The following KCNC1 variants were observed in gnomAD, a reference collection of about 807,000 sequenced individuals.
KCNC1 encodes the protein potassium voltage-gated channel subfamily C member 1.
In KCNC1, 8 loss-of-function variants were observed where a neutral mutation model predicts 43.4. The ratio of observed to expected loss-of-function variants is 0.18; its 90% CI spans 0.11 to 0.33. KCNC1 has a LOEUF of 0.33. Among genes scored for constraint, KCNC1 ranks in the 10% least tolerant of loss-of-function variants. The pLI, the probability that KCNC1 is intolerant of heterozygous loss-of-function variation, is 1.00. For missense variants in KCNC1, 420 were observed against 836.0 expected (o/e 0.50, Z 6.14); for synonymous variants, 361 against 360.5 (o/e 1.00, Z -0.01).
intron 1 of KCNC1, among the ~76,000 whole-genome samples, chr11:17,758,323 C>T (rs1281800069): frequency 1.3e-5 from 2 of 152,260 alleles, no homozygotes; most frequent in African/African-American, 4.8e-5. Context: ...ATCACATCTG[C>T]AGTGACTTCC....
In KCNC1 at chr11:17,777,204, G is replaced by A; in HGVS notation, c.1505-2252G>A. On this transcript the variant is annotated intron_variant, in intron 2 of 3. Coordinates refer to ENST00000265969, the MANE Select transcript of KCNC1 (RefSeq NM_001112741.2). This position sits in a 1 kb window ranked among gnomAD's most constrained non-coding sequence, Gnocchi z 4.3. ...GGCCCAGCATTCAGAGCCAGAGAAGGGTCTCAGGCGGCACCATCTCCACAG... is the reference window on the plus strand; with the variant it reads ...GGCCCAGCATTCAGAGCCAGAGAAGAGTCTCAGGCGGCACCATCTCCACAG... 1 of 985,656 alleles carries A rather than the reference G, an allele frequency of 1.0e-6. No individual in the cohort carries two copies. Among genetic ancestry groups the A allele is most frequent in the Non-Finnish European group, 1.2e-6 (1 of 829,980 alleles). The allele number at this position is 985,656 out of a possible 1,614,324, so 61.1% of individuals were successfully genotyped here.
At position 17,772,396 on chromosome 11, in the gene KCNC1, C is replaced by T; in HGVS notation, c.1302C>T (p.Val434=). Residue 434 remains valine (V), a synonymous_variant, in exon 2 of 4, where the codon GTC becomes GTT. Transcript: ENST00000265969. ...TCACCATCGCCATGCCCGTGCCCGTCATCGTGAACAATTTCGGGATGTATT... is the reference window on the plus strand; with the variant it reads ...TCACCATCGCCATGCCCGTGCCCGTTATCGTGAACAATTTCGGGATGTATT... ...GVLTIAMPVP[V]IVNNFGMYYS... is the part of the protein sequence containing the mutation. 2.5e-6 allele frequency: 4 copies of T among 1,614,146 alleles called. No homozygotes were observed. Among genetic ancestry groups the T allele is most frequent in the Non-Finnish European group, 3.4e-6 (4 of 1,180,042 alleles).
At chr11:17,767,280 G>A (rs1445444568) in intron 1 of KCNC1, among the ~76,000 whole-genome samples, 4 of 131,866 alleles carry the variant, frequency 3.0e-5, no homozygotes, top group South Asian at 4.8e-4. Context: ...GCAAGACTCC[G>A]TCTCAAAAAA....
Position 17,776,175 on chromosome 11 carries a change from T to C in KCNC1, c.1505-3281T>C. On this transcript the variant is annotated intron_variant, in intron 2 of 3. Coordinates refer to ENST00000265969, the MANE Select transcript of KCNC1 (RefSeq NM_001112741.2). This position sits in a 1 kb window ranked among gnomAD's most constrained non-coding sequence, Gnocchi z 4.4. The stretch of plus-strand genomic sequence containing the variant: ...CAGGCATGGGTGTTCTTTTCCGTGT[T>C]GTTCACATTTTCTCTCTTTCTCTCT... 1 of 985,452 alleles carries C rather than the reference T, an allele frequency of 1.0e-6. No individual in the cohort carries two copies. The highest frequency in any genetic ancestry group is 1.7e-5 in the African/African-American group (1 of 57,348). The allele number at this position is 985,452 out of a possible 1,614,324, so 61.0% of individuals were successfully genotyped here. A position where few individuals can be genotyped will look rare whatever the true frequency, so the allele number is the denominator to read the frequency against.
intron 1 of KCNC1, among the ~76,000 whole-genome samples, chr11:17,763,606 C>CCACCA (rs1849104278): frequency 8.4e-6 from 1 of 118,740 alleles, no homozygotes; most frequent in Non-Finnish European, 1.8e-5. Flanking sequence ...ACACACCACC[C>CCACCA]CACATGCACA....
At position 17,776,638 on chromosome 11, in the gene KCNC1, GT is replaced by G; in HGVS notation, c.1505-2817del. ...TCATCACTGCAGGCCTGTGGGTCTA[GT>G]GGGGGCCTGGGGGCCCTGGGCTGGG... On this transcript the variant is annotated intron_variant, in intron 2 of 3. Transcript: ENST00000265969. This position sits in a 1 kb window ranked among gnomAD's most constrained non-coding sequence, Gnocchi z 4.4. 2.0e-6 allele frequency: 2 copies of G among 985,434 alleles called. No homozygotes were observed. The highest frequency in any genetic ancestry group is 2.4e-6 in the Non-Finnish European group (2 of 829,966). 61.0% of individuals were successfully genotyped at this position (985,434 alleles called of 1,614,324 possible).
At chr11:17,762,612 G>A (rs1040558249) in intron 1 of KCNC1, among the ~76,000 whole-genome samples, 1 of 152,208 alleles carries the variant, frequency 6.6e-6, no homozygotes, top group African/African-American at 2.4e-5. Context: ...GACTCCAGCT[G>A]CTTTGACTGG....
In KCNC1 at chr11:17,777,097, C is replaced by G. The variant is rs556042401; in HGVS notation, c.1505-2359C>G. ...TTCCTTGTCCCCTGCCCAAAACCAT[C>G]CCGAACTTTGGGCCCTTTAGTGATT... On this transcript the variant is annotated intron_variant, in intron 2 of 3. Transcript: ENST00000265969. The surrounding 1 kb of genome is among the most constrained non-coding windows in gnomAD (Gnocchi z 4.3). 7.1e-6 allele frequency: 7 copies of G among 985,252 alleles called. No individual in the cohort carries two copies. The South Asian group carries it at 2.4e-4, about 33-fold the overall frequency. The allele number at this position is 985,252 out of a possible 1,614,324, so 61.0% of individuals were successfully genotyped here. A position where few individuals can be genotyped will look rare whatever the true frequency, so the allele number is the denominator to read the frequency against.
chr11:17,740,613 G>T (rs2133778680), intron 1 of KCNC1, among the ~76,000 whole-genome samples: 1 of 152,210 alleles, frequency 6.6e-6, no homozygotes, highest in East Asian at 1.9e-4. Flanking sequence ...GGCCAATGGT[G>T]GTCCTTGTGC....
intron 1 of KCNC1, among the ~76,000 whole-genome samples, chr11:17,754,621 C>G (rs533841632): frequency 6.6e-6 from 1 of 152,352 alleles, no homozygotes; most frequent in African/African-American, 2.4e-5. Context: ...GAAACCTATG[C>G]TTGTGCTCCC....
chr11:17,776,644 G>A lies in KCNC1; in HGVS notation c.1505-2812G>A. On this transcript the variant is annotated intron_variant, in intron 2 of 3. Transcript: ENST00000265969. This position sits in a 1 kb window ranked among gnomAD's most constrained non-coding sequence, Gnocchi z 4.4. ...CTGCAGGCCTGTGGGTCTAGTGGGGGCCTGGGGGCCCTGGGCTGGGGGAGG... is the reference window on the plus strand; with the variant it reads ...CTGCAGGCCTGTGGGTCTAGTGGGGACCTGGGGGCCCTGGGCTGGGGGAGG... 6.1e-6 allele frequency: 6 copies of A among 985,380 alleles called. No individual in the cohort carries two copies. The highest frequency in any genetic ancestry group is 7.2e-6 in the Non-Finnish European group (6 of 829,964). 61.0% of individuals were successfully genotyped at this position (985,380 alleles called of 1,614,324 possible).
intron 1 of KCNC1, among the ~76,000 whole-genome samples, chr11:17,743,231 G>A (rs536564997): frequency 1.1e-4 from 17 of 152,328 alleles, no homozygotes; most frequent in South Asian, 8.3e-4. Flanking sequence ...TAGCTCATGC[G>A]CGGTGGAGCC....
At chr11:17,740,321 G>A (rs1299204746) in intron 1 of KCNC1, among the ~76,000 whole-genome samples, 4 of 152,182 alleles carry the variant, frequency 2.6e-5, no homozygotes, top group Non-Finnish European at 5.9e-5. Context: ...GATGATGGTG[G>A]TACTGTTTGG....
At chr11:17,767,994 G>C (rs1398859969) in intron 1 of KCNC1, among the ~76,000 whole-genome samples, 3 of 152,232 alleles carry the variant, frequency 2.0e-5, no homozygotes, top group Non-Finnish European at 4.4e-5. Context: ...GAGCACTTGA[G>C]ATGAGAGCTC....
In KCNC1 at chr11:17,777,723, T is replaced by C; in HGVS notation, c.1505-1733T>C. ...GTCGAGAAACGCACTGTACGTGAAA[T>C]GCTTTGCCATCTTGTACGAAAGACT... On this transcript the variant is annotated intron_variant, in intron 2 of 3. Transcript: ENST00000265969. This position sits in a 1 kb window ranked among gnomAD's most constrained non-coding sequence, Gnocchi z 4.3. 1.0e-6 allele frequency: 1 copy of C among 986,060 alleles called. No individual in the cohort carries two copies. Among genetic ancestry groups the C allele is most frequent in the Non-Finnish European group, 1.2e-6 (1 of 829,968 alleles). The allele number at this position is 986,060 out of a possible 1,614,324, so 61.1% of individuals were successfully genotyped here.
chr11:17,774,498 A>G, intron 2 of KCNC1: 2 of 985,528 alleles, frequency 2.0e-6, no homozygotes, highest in South Asian at 9.4e-5. Context: ...CAATGACAGT[A>G]TTATCCTGTG....
chr11:17,750,552 G>C (rs565304843), intron 1 of KCNC1, among the ~76,000 whole-genome samples: 1 of 152,292 alleles, frequency 6.6e-6, no homozygotes, highest in African/African-American at 2.4e-5. Context: ...ACAGTGGTTT[G>C]TGCTGGCTTA....
Position 17,758,426 on chromosome 11 carries a change from C to T in KCNC1, c.571-13239C>T, listed in dbSNP as rs150362376. ...TTAATGTTGCTGTTTTGACCTCCTC[C>T]GATGAATCACAAGTGTTCTTAGTGA... On this transcript the variant is annotated intron_variant, in intron 1 of 3. Coordinates refer to ENST00000265969, the MANE Select transcript of KCNC1 (RefSeq NM_001112741.2). Among the ~76,000 whole-genome samples the T allele has an allele frequency of 4.1e-3, 623 of 152,308 alleles. 7 individuals carry two copies. The highest frequency in any genetic ancestry group is 0.014 in the African/African-American group (598 of 41,576).
chr11:17,749,577 A>G (rs1384206798), intron 1 of KCNC1, among the ~76,000 whole-genome samples: 1 of 152,236 alleles, frequency 6.6e-6, no homozygotes, highest in East Asian at 1.9e-4. Context: ...GTGTCTCGCC[A>G]CTTAGAGATG....
Sources: allele counts gnomAD v4.1 joint callset (sites outside exome capture counted in the v4.1 genomes callset), GRCh38; gene constraint gnomAD v4.1.1; non-coding constraint Gnocchi (gnomAD v3.1); transcripts MANE v1.5; gene names NCBI Gene and HGNC (gene_info 2026-07-23, HGNC 2026-07-21).